Variants in ST6GALNAC3 observed in about 807,000 individuals in gnomAD.
ST6GALNAC3 encodes ST6 N-acetylgalactosaminide alpha-2,6-sialyltransferase 3, also known as alpha-N-acetylgalactosaminide alpha-2,6-sialyltransferase 3.
Under a neutral mutation model 32.7 loss-of-function variants are expected in ST6GALNAC3, and 25 were observed. The observed-to-expected ratio is 0.76, with a 90% CI of 0.56 to 1.07. ST6GALNAC3 has a LOEUF of 1.07. ST6GALNAC3 is among the 50% of genes least tolerant of loss of function. The pLI, the probability that ST6GALNAC3 is intolerant of heterozygous loss-of-function variation, is 0.00. For synonymous variants in ST6GALNAC3, 129 were observed against 133.1 expected (o/e 0.97, Z 0.21); for missense variants, 355 against 382.4 (o/e 0.93, Z 0.60).
At position 76,313,994 on chromosome 1, in the gene ST6GALNAC3, C is replaced by T; in HGVS notation, c.208C>T (p.Gln70Ter). ...THYGYINVKT[Q>*]EPLQLDCDLC... The stretch of plus-strand genomic sequence containing the variant: ...CTATGGATACATAAATGTGAAGACA[C>T]AAGAGGTAAGATCCCAGAGGGTTAC... Residue 70 changes from glutamine to a stop codon, truncating the protein, a stop_gained, in exon 2 of 5, where the codon CAA becomes TAA. Coordinates refer to ENST00000328299, the MANE Select transcript of ST6GALNAC3 (RefSeq NM_152996.4). LOFTEE classifies it high-confidence loss of function. 6.2e-7 allele frequency: 1 copy of T among 1,611,360 alleles called. No homozygotes were observed. Among genetic ancestry groups the T allele is most frequent in the Non-Finnish European group, 8.5e-7 (1 of 1,178,636 alleles).
chr1:76,623,939 G>A (rs755259610), intron 3 of ST6GALNAC3, among the ~76,000 whole-genome samples: 7 of 151,928 alleles, frequency 4.6e-5, no homozygotes, highest in Non-Finnish European at 8.8e-5. Context: ...TCATCCAGAA[G>A]TTGTCATTAT....
At chr1:76,404,592 A>G (rs759077087) in intron 2 of ST6GALNAC3, among the ~76,000 whole-genome samples, 1 of 152,142 alleles carries the variant, frequency 6.6e-6, no homozygotes, top group Non-Finnish European at 1.5e-5. Flanking sequence ...TGCCGTCATT[A>G]TACATGTTGA....
chr1:76,087,353 G>C (rs1366642022), intron 1 of ST6GALNAC3, among the ~76,000 whole-genome samples: 1 of 152,180 alleles, frequency 6.6e-6, no homozygotes, highest in Non-Finnish European at 1.5e-5. Context: ...ATCTGGGTTT[G>C]ACCTTTTCCC....
intron 3 of ST6GALNAC3, among the ~76,000 whole-genome samples, chr1:76,500,927 G>T (rs1265237920): frequency 6.6e-6 from 1 of 152,006 alleles, no homozygotes; most frequent in Admixed American, 6.6e-5. Context: ...AAAATAAAAA[G>T]GCTACACCAG....
At chr1:76,616,321 T>A (rs1373709902) in intron 3 of ST6GALNAC3, among the ~76,000 whole-genome samples, 6 of 152,218 alleles carry the variant, frequency 3.9e-5, no homozygotes, top group Admixed American at 3.9e-4. Context: ...AAAACAGATT[T>A]TTTTAGAACT....
intron 2 of ST6GALNAC3, among the ~76,000 whole-genome samples, chr1:76,379,148 G>A (rs1205348868): frequency 6.6e-6 from 1 of 152,068 alleles, no homozygotes; most frequent in East Asian, 1.9e-4. Flanking sequence ...CACCTGCCTC[G>A]GCCTCCCAAA....
intron 1 of ST6GALNAC3, among the ~76,000 whole-genome samples, chr1:76,088,857 C>G (rs1363490774): frequency 6.6e-6 from 1 of 152,076 alleles, no homozygotes; most frequent in African/African-American, 2.4e-5. Context: ...GTGCAAAGAT[C>G]CGGTGGCATG....
intron 1 of ST6GALNAC3, 130 bp downstream of exon 1, chr1:76,075,014 T>C: frequency 2.4e-6 from 3 of 1,252,676 alleles, no homozygotes; most frequent in South Asian, 1.3e-5. Context: ...TTTCTTTTTG[T>C]TCCTTTGGCA....
chr1:76,418,151 C>A (rs1304674169), intron 3 of ST6GALNAC3, among the ~76,000 whole-genome samples: 3 of 152,096 alleles, frequency 2.0e-5, no homozygotes, highest in African/African-American at 4.8e-5. Flanking sequence ...GTTTTAAGGG[C>A]AGCCCAGGTT....
chr1:76,215,934 CAA>C (rs1435886789), intron 1 of ST6GALNAC3, among the ~76,000 whole-genome samples: 1 of 152,134 alleles, frequency 6.6e-6, no homozygotes, highest in Non-Finnish European at 1.5e-5. Context: ...TGGAGATTTA[CAA>C]AGACCTCACA....
At chr1:76,636,972 G>T (rs1570502802), downstream of ST6GALNAC3, 1 of 152,260 alleles carries the variant, frequency 6.6e-6, no homozygotes. Context: ...TCTAAGAGTT[G>T]TAATTGATGA....
chr1:76,312,365 C>T (rs1646782632), intron 1 of ST6GALNAC3, among the ~76,000 whole-genome samples: 1 of 152,010 alleles, frequency 6.6e-6, no homozygotes, highest in Admixed American at 6.6e-5. Context: ...TAGGCATGGG[C>T]AAAGACTTAA....
chr1:76,082,582 A>AT (rs898526755), intron 1 of ST6GALNAC3, among the ~76,000 whole-genome samples: 47 of 152,324 alleles, frequency 3.1e-4, no homozygotes, highest in African/African-American at 1.1e-3. Context: ...CAATTCAAAA[A>AT]TTGAGACTAG....
intron 3 of ST6GALNAC3, among the ~76,000 whole-genome samples, chr1:76,435,769 ATT>A (rs1656096140): frequency 6.6e-6 from 1 of 152,174 alleles, no homozygotes; most frequent in Non-Finnish European, 1.5e-5. Context: ...TGCATTGGTA[ATT>A]AGTTTCAGCT....
At chr1:76,516,659 T>C (rs1345043765) in intron 3 of ST6GALNAC3, among the ~76,000 whole-genome samples, 1 of 152,114 alleles carries the variant, frequency 6.6e-6, no homozygotes, top group Non-Finnish European at 1.5e-5. Context: ...TTTTCTTATA[T>C]TCTCAATCTA....
chr1:76,340,264 CA>C (rs1409224399), intron 2 of ST6GALNAC3, among the ~76,000 whole-genome samples: 3 of 152,220 alleles, frequency 2.0e-5, no homozygotes, highest in Non-Finnish European at 4.4e-5. Context: ...GGCCTCAGGC[CA>C]TGGAAATTAT....
At chr1:76,098,445 T>C (rs1647169954) in intron 1 of ST6GALNAC3, among the ~76,000 whole-genome samples, 1 of 152,194 alleles carries the variant, frequency 6.6e-6, no homozygotes, top group South Asian at 2.1e-4. Context: ...TGGACAACAA[T>C]TGGTTTAAAC....
chr1:76,246,378 G>A (rs899808245), intron 1 of ST6GALNAC3, among the ~76,000 whole-genome samples: 1 of 152,180 alleles, frequency 6.6e-6, no homozygotes, highest in Non-Finnish European at 1.5e-5. Flanking sequence ...GCCAGTCTGT[G>A]TCTTTTAACT....
intron 1 of ST6GALNAC3, among the ~76,000 whole-genome samples, chr1:76,176,025 C>T (rs1358911157): frequency 1.3e-5 from 2 of 151,978 alleles, no homozygotes; most frequent in African/African-American, 4.8e-5. Context: ...ACTTGATTTC[C>T]CAATTATAAA....
Sources: gnomAD v4.1 joint callset for allele counts (sites outside exome capture counted in the v4.1 genomes callset) on GRCh38, gnomAD v4.1.1 for gene constraint, MANE v1.5 for transcripts, NCBI Gene and HGNC (gene_info 2026-07-23, HGNC 2026-07-21) for gene names.